Variants in SLMAP observed in about 807,000 individuals in gnomAD.
SLMAP encodes the protein sarcolemma associated protein, also known as sarcolemmal membrane-associated protein.
Under a neutral mutation model 128.8 loss-of-function variants are expected in SLMAP, and 44 were observed. The observed-to-expected ratio is 0.34, with a 90% CI of 0.27 to 0.44. SLMAP has a LOEUF of 0.44. SLMAP is among the 20% of genes least tolerant of loss of function. The pLI, the probability that SLMAP is intolerant of heterozygous loss-of-function variation, is 1.00. For synonymous variants in SLMAP, 327 were observed against 348.8 expected, an observed-to-expected ratio of 0.94 and a Z score of 0.70; for missense variants, 787 against 985.3, an observed-to-expected ratio of 0.80 and a Z score of 2.69.
chr3:57,764,224 G>A (rs994685651), intron 2 of SLMAP, among the ~76,000 whole-genome samples: 9 of 152,028 alleles, frequency 5.9e-5, no homozygotes, highest in African/African-American at 1.2e-4. Context: ...AGAGTGGGCC[G>A]GGTGCGGTGG....
intron 5 of SLMAP, among the ~76,000 whole-genome samples, chr3:57,849,139 TC>T (rs2094412785): frequency 6.6e-6 from 1 of 151,978 alleles, no homozygotes; most frequent in Non-Finnish European, 1.5e-5. Flanking sequence ...TCCATCCCCC[TC>T]GGCCTTCCAA....
intron 23 of SLMAP, among the ~76,000 whole-genome samples, chr3:57,924,751 T>C (rs2096972662): frequency 1.3e-5 from 2 of 152,124 alleles, no homozygotes; most frequent in Admixed American, 1.3e-4. Flanking sequence ...AGGGCATTTA[T>C]TTTGAAGCTT....
Position 57,906,304 on chromosome 3 carries a change from T to TTTTTCTTTTTC in SLMAP, c.1502-1576_1502-1575insCTTTTTCTTTT, listed in dbSNP as rs373233450. On this transcript the variant is annotated intron_variant, in intron 17 of 24. Transcript: ENST00000671191. ...AACCCAGAATCAAATTTTTTTCTTT[T>TTTTTCTTTTTC]TTTTTCTTTTTTTTTTTTTTTTTTT... Among the ~76,000 whole-genome samples the TTTTTCTTTTTC allele has an allele frequency of 1.4e-4, 16 of 113,548 alleles. No individual in the cohort carries two copies. The East Asian group carries it at 2.1e-3, about 15-fold the overall frequency. The allele number at this position is 113,548 out of a possible 152,430, so 74.5% of individuals were successfully genotyped here.
intron 18 of SLMAP, 85 bp downstream of exon 18, chr3:57,908,091 G>C: frequency 7.8e-7 from 1 of 1,281,414 alleles, no homozygotes. Flanking sequence ...GAGTCCGGAG[G>C]CATGTTCCAG....
At chr3:57,804,640 G>A (rs1198867384) in intron 2 of SLMAP, among the ~76,000 whole-genome samples, 1 of 152,142 alleles carries the variant, frequency 6.6e-6, no homozygotes, top group African/African-American at 2.4e-5. Flanking sequence ...AGCTACCTGG[G>A]AGGCTGAGGT....
intron 4 of SLMAP, among the ~76,000 whole-genome samples, chr3:57,845,655 C>A (rs1026768844): frequency 9.2e-5 from 14 of 152,070 alleles, no homozygotes; most frequent in African/African-American, 3.4e-4. Context: ...GTACTCACCC[C>A]CAACATAAAC....
intron 2 of SLMAP, among the ~76,000 whole-genome samples, chr3:57,784,005 G>T (rs1054256098): frequency 6.6e-5 from 10 of 152,102 alleles, no homozygotes; most frequent in Admixed American, 4.6e-4. Flanking sequence ...TGTACACTTG[G>T]TGATAATTCT....
At position 57,797,619 on chromosome 3, in the gene SLMAP, T is replaced by C. The variant is rs142719801; in HGVS notation, c.199-33764T>C. Among the ~76,000 whole-genome samples, 101 of 152,348 alleles carry C rather than the reference T, an allele frequency of 6.6e-4. 1 individual carries two copies. The East Asian group carries it at 0.017, about 25-fold the overall frequency. ...TATTTCAATTTTCTTCTGTACTTTATTATATTCTTCTGATTTCAATAAGTA... is the reference window on the plus strand; with the variant it reads ...TATTTCAATTTTCTTCTGTACTTTACTATATTCTTCTGATTTCAATAAGTA... On this transcript the variant is annotated intron_variant, in intron 2 of 24. Transcript: ENST00000671191.
intron 14 of SLMAP, 84 bp downstream of exon 14, chr3:57,871,782 T>A: frequency 9.7e-7 from 1 of 1,031,600 alleles, no homozygotes; most frequent in Non-Finnish European, 1.5e-6. Context: ...AGGATCTCAA[T>A]GTGTTTGTTA....
chr3:57,791,210 A>G (rs887486230), intron 2 of SLMAP, among the ~76,000 whole-genome samples: 18 of 152,122 alleles, frequency 1.2e-4, no homozygotes, highest in Admixed American at 2.0e-4. Context: ...ACAAAAAAAA[A>G]TTAGCTGGGC....
At chr3:57,762,240 T>C (rs1158214091) in intron 2 of SLMAP, among the ~76,000 whole-genome samples, 2 of 149,710 alleles carry the variant, frequency 1.3e-5, no homozygotes, top group African/African-American at 4.9e-5. Context: ...TGGTGGCATG[T>C]GCCTGCAATC....
intron 3 of SLMAP, among the ~76,000 whole-genome samples, chr3:57,839,732 T>C (rs2093830793): frequency 6.6e-6 from 1 of 152,076 alleles, no homozygotes; most frequent in African/African-American, 2.4e-5. Flanking sequence ...GCCTCCTGAG[T>C]AGCTGGGATT....
intron 2 of SLMAP, among the ~76,000 whole-genome samples, chr3:57,762,415 A>G (rs537385712): frequency 6.6e-6 from 1 of 152,256 alleles, no homozygotes; most frequent in East Asian, 1.9e-4. Context: ...TTGAAACTTT[A>G]TGATTATTCA....
chr3:57,887,713 C>T (rs999382193), intron 14 of SLMAP, among the ~76,000 whole-genome samples: 10 of 152,106 alleles, frequency 6.6e-5, no homozygotes, highest in African/African-American at 2.2e-4. Context: ...AAAACTTAAA[C>T]TTTCTCTTAA....
chr3:57,760,084 C>T (rs574060943), intron 2 of SLMAP, among the ~76,000 whole-genome samples: 5 of 152,250 alleles, frequency 3.3e-5, no homozygotes, highest in African/African-American at 4.8e-5. Flanking sequence ...GGATCACAGG[C>T]GCATGCCACC....
At chr3:57,883,089 T>G (rs753365596) in intron 14 of SLMAP, among the ~76,000 whole-genome samples, 2 of 152,194 alleles carry the variant, frequency 1.3e-5, no homozygotes, top group African/African-American at 2.4e-5. Flanking sequence ...ATAGTAAATA[T>G]TTGAAAGAAT....
At chr3:57,825,129 C>T (rs2092820361) in intron 2 of SLMAP, among the ~76,000 whole-genome samples, 1 of 151,870 alleles carries the variant, frequency 6.6e-6, no homozygotes, top group Non-Finnish European at 1.5e-5. Context: ...TTGTTTAACT[C>T]ATAGTTTTCA....
chr3:57,822,589 AT>A (rs1350508268), intron 2 of SLMAP, among the ~76,000 whole-genome samples: 1 of 152,234 alleles, frequency 6.6e-6, no homozygotes, highest in African/African-American at 2.4e-5. Flanking sequence ...GGTGTTTGGC[AT>A]AGTAGCTACC....
At chr3:57,866,412 G>A (rs1046213921) in intron 13 of SLMAP, among the ~76,000 whole-genome samples, 1 of 152,194 alleles carries the variant, frequency 6.6e-6, no homozygotes, top group Admixed American at 6.6e-5. Flanking sequence ...GTTTTGTTTG[G>A]TCAGGTTTTA....
Sources: allele counts gnomAD v4.1 joint callset (sites outside exome capture counted in the v4.1 genomes callset), GRCh38; gene constraint gnomAD v4.1.1; transcripts MANE v1.5; gene names NCBI Gene and HGNC (gene_info 2026-07-23, HGNC 2026-07-21).